Variants in ROBO2 observed in about 807,000 individuals in gnomAD.
ROBO2 encodes the protein roundabout guidance receptor 2.
ROBO2 carries 53 observed loss-of-function variants against 160.8 expected under a neutral mutation model. The observed-to-expected ratio is 0.33, with a 90% CI of 0.26 to 0.41. The LOEUF (loss-of-function observed/expected upper bound fraction) is 0.41, where lower values mean the gene tolerates loss of function less well. Among genes scored for constraint, ROBO2 ranks in the 10% least tolerant of loss-of-function variants. The pLI is 1.00. For missense variants in ROBO2, 1,577 were observed against 1,722.4 expected (o/e 0.92, Z 1.49); for synonymous variants, 664 against 611.7 (o/e 1.09, Z -1.26).
chr3:76,041,484 T>A (rs752910761), intron 2 of ROBO2, among the ~76,000 whole-genome samples: 3 of 152,058 alleles, frequency 2.0e-5, no homozygotes, highest in Non-Finnish European at 2.9e-5. Context: ...CCCACCTACA[T>A]TGGTCCTTTG....
At chr3:77,617,834 A>G in intron 22 of ROBO2, 61 bp downstream of exon 23, 1 of 1,566,756 alleles carries the variant, frequency 6.4e-7, no homozygotes, top group Non-Finnish European at 8.7e-7. Context: ...TTTTTTCAGA[A>G]TAAATTCACA....
chr3:76,859,796 A>G (rs2070544707), intron 2 of ROBO2, among the ~76,000 whole-genome samples: 1 of 152,082 alleles, frequency 6.6e-6, no homozygotes, highest in African/African-American at 2.4e-5. Context: ...TTCTCTCTCT[A>G]GCAGAGTCAT....
intron 2 of ROBO2, among the ~76,000 whole-genome samples, chr3:76,278,630 A>G (rs1278378777): frequency 6.6e-6 from 1 of 151,980 alleles, no homozygotes; most frequent in African/African-American, 2.4e-5. Flanking sequence ...ATATTTCCCC[A>G]AGTAAAAGTT....
intron 2 of ROBO2, among the ~76,000 whole-genome samples, chr3:76,169,665 T>C (rs567629721): frequency 1.3e-5 from 2 of 152,154 alleles, no homozygotes; most frequent in African/African-American, 4.8e-5. Flanking sequence ...TAATAAATAA[T>C]CATTGATAAT....
At chr3:76,953,003 C>T (rs1340759180) in intron 2 of ROBO2, among the ~76,000 whole-genome samples, 2 of 151,974 alleles carry the variant, frequency 1.3e-5, no homozygotes, top group African/African-American at 4.8e-5. Flanking sequence ...CATCCTGTAC[C>T]ATTCTGACAA....
At chr3:77,019,486 G>A (rs75070368) in intron 2 of ROBO2, among the ~76,000 whole-genome samples, 1 of 152,072 alleles carries the variant, frequency 6.6e-6, no homozygotes, top group Non-Finnish European at 1.5e-5. Context: ...TAGCACAACT[G>A]CCCAGAAATA....
intron 2 of ROBO2, among the ~76,000 whole-genome samples, chr3:76,264,967 A>T (rs144316155): frequency 2.1e-3 from 326 of 152,288 alleles, no homozygotes; most frequent in Middle Eastern, 0.014. Context: ...CATAAACTTC[A>T]TTACTCCAGG....
At chr3:77,245,545 T>C (rs2151403444) in intron 2 of ROBO2, among the ~76,000 whole-genome samples, 1 of 152,334 alleles carries the variant, frequency 6.6e-6, no homozygotes, top group South Asian at 2.1e-4. Flanking sequence ...TAATAACTTC[T>C]TTATTTCTTC....
At chr3:76,781,940 A>G (rs985007422) in intron 2 of ROBO2, among the ~76,000 whole-genome samples, 5 of 150,778 alleles carry the variant, frequency 3.3e-5, no homozygotes, top group African/African-American at 9.7e-5. Context: ...AAGATCTGGC[A>G]TTAATTCTTT....
At chr3:77,159,375 G>A (rs2078290807) in intron 2 of ROBO2, among the ~76,000 whole-genome samples, 1 of 152,116 alleles carries the variant, frequency 6.6e-6, no homozygotes, top group Non-Finnish European at 1.5e-5. Context: ...CTACATTTTA[G>A]TGATGAATTT....
chr3:77,501,372 G>T (rs79189836), intron 5 of ROBO2, among the ~76,000 whole-genome samples: 2,706 of 152,136 alleles, frequency 0.018, 77 homozygotes, highest in African/African-American at 0.06. Flanking sequence ...GACAATTTGT[G>T]GTTAGAATCA....
At chr3:76,682,118 G>T (rs1327437517) in intron 2 of ROBO2, among the ~76,000 whole-genome samples, 1 of 152,094 alleles carries the variant, frequency 6.6e-6, no homozygotes, top group African/African-American at 2.4e-5. Context: ...TTTGTATGTG[G>T]TATTCATGTG....
chr3:76,209,522 A>G (rs1000848352), intron 2 of ROBO2, among the ~76,000 whole-genome samples: 1 of 152,212 alleles, frequency 6.6e-6, no homozygotes, highest in Non-Finnish European at 1.5e-5. Context: ...ATAGTGGTAT[A>G]TACAAAATGT....
chr3:77,250,996 A>G (rs890846359), intron 2 of ROBO2, among the ~76,000 whole-genome samples: 1 of 152,084 alleles, frequency 6.6e-6, no homozygotes, highest in African/African-American at 2.4e-5. Context: ...CTGGCTCTCC[A>G]GGGTTGCAGT....
chr3:76,580,317 G>GT (rs1329634324), intron 2 of ROBO2, among the ~76,000 whole-genome samples: 3,768 of 38,758 alleles, frequency 0.097, 206 homozygotes, highest in African/African-American at 0.21. Context: ...CCCAACCCCT[G>GT]TTTTTTTTTT....
chr3:75,924,901 G>T (rs1947223765), intron 1 of ROBO2, among the ~76,000 whole-genome samples: 1 of 151,312 alleles, frequency 6.6e-6, no homozygotes, highest in Non-Finnish European at 1.5e-5. Context: ...TGTTAGCCAG[G>T]ATGGTCTCGA....
At chr3:77,142,667 C>T (rs1165038529) in intron 2 of ROBO2, among the ~76,000 whole-genome samples, 1 of 152,156 alleles carries the variant, frequency 6.6e-6, no homozygotes, top group African/African-American at 2.4e-5. Context: ...GGGAGGAGTT[C>T]CATCACCACT....
chr3:77,573,722 T>C (rs1220875502), intron 13 of ROBO2, among the ~76,000 whole-genome samples: 1 of 152,058 alleles, frequency 6.6e-6, no homozygotes, highest in African/African-American at 2.4e-5. Flanking sequence ...CCTGCTCTTC[T>C]TGCCTATCTA....
chr3:76,879,438 G>A (rs1045188306), intron 2 of ROBO2, among the ~76,000 whole-genome samples: 1 of 151,858 alleles, frequency 6.6e-6, no homozygotes, highest in African/African-American at 2.4e-5. Context: ...AGGTGGTAGT[G>A]GGAAAAATCT....
Sources: allele counts gnomAD v4.1 joint callset (sites outside exome capture counted in the v4.1 genomes callset), GRCh38; gene constraint gnomAD v4.1.1; transcripts MANE v1.5; gene names NCBI Gene and HGNC (gene_info 2026-07-23, HGNC 2026-07-21).